SIN3B: variants seen among roughly 807,000 people sequenced by gnomAD.
SIN3B encodes the protein paired amphipathic helix protein Sin3b.
SIN3B carries 19 observed loss-of-function variants against 120.2 expected under a neutral mutation model. That is an observed-to-expected ratio of 0.16 (90% CI 0.11 to 0.23). The LOEUF (loss-of-function observed/expected upper bound fraction) is 0.23, where lower values mean the gene tolerates loss of function less well. Ranked by LOEUF, SIN3B falls within the 10% of genes least tolerant of loss-of-function variation. The probability of loss-of-function intolerance (pLI) is 1.00; values close to 1 mark genes in which losing one functional copy is unlikely to be tolerated. For synonymous variants in SIN3B, 654 were observed against 653.2 expected (o/e 1.00, Z -0.02); for missense variants, 1,073 against 1,573.0 (o/e 0.68, Z 5.38).
At chr19:16,872,251 G>A (rs2051521188) in intron 14 of SIN3B, among the ~76,000 whole-genome samples, 1 of 151,774 alleles carries the variant, frequency 6.6e-6, no homozygotes, top group African/African-American at 2.4e-5. Context: ...GCCACGAGAA[G>A]CATTTCAGAC....
rs773875029 is a variant in SIN3B, at chr19:16,851,444, C to A, written c.759C>A (p.Ser253Arg). The change falls in exon 6 of 19, where the codon AGC (serine) becomes AGA (arginine). Residue 253 changes from serine to arginine, a missense_variant. Ser to Arg is a moderately radical substitution (Grantham distance 110). Transcript: ENST00000248054. ...GAAACGGGCCGTGCGAGATGCACAG[C>A]GTGCAGAAGAACGAGCACGACAAGA... ...FTGNGPCEMH[S>R]VQKNEHDKTP... The A allele has an allele frequency of 1.2e-6, 2 of 1,608,192 alleles. No individual in the cohort carries two copies. The highest frequency in any genetic ancestry group is 1.1e-5 in the South Asian group (1 of 89,746).
chr19:16,873,380 G>A (rs998339615), intron 14 of SIN3B, among the ~76,000 whole-genome samples: 10 of 152,110 alleles, frequency 6.6e-5, no homozygotes, highest in African/African-American at 2.4e-4. Context: ...ATGGGTCCCT[G>A]CCCATCACCA....
rs777992543 is a variant in SIN3B at position 16,879,024 on chromosome 19, G to A, written c.*297G>A. On this transcript the variant is annotated 3_prime_UTR_variant, in exon 19 of 19. Transcript: ENST00000248054. Reference sequence around the variant, plus strand: ...ATGTTTGCGTCCCCGTCCGTCACATGTGCCAAATCCCTGGCAGGCAGATGG... The same window carrying A: ...ATGTTTGCGTCCCCGTCCGTCACATATGCCAAATCCCTGGCAGGCAGATGG... The A allele has an allele frequency of 2.1e-5, 10 of 477,154 alleles. No individual in the cohort carries two copies. In the Admixed American group the frequency reaches 3.4e-4, roughly 16 times the overall value. The allele number at this position is 477,154 out of a possible 1,614,324, so 29.6% of individuals were successfully genotyped here.
intron 8 of SIN3B, chr19:16,854,915 T>G (rs140568215): frequency 1.3e-5 from 2 of 152,384 alleles, no homozygotes; most frequent in Non-Finnish European, 2.9e-5. Context: ...TTTTGGTCTC[T>G]CTTTAGAAAT....
chr19:16,829,736 C>G lies in SIN3B; in HGVS notation c.121-55C>G, dbSNP rs1599583732. 8.7e-6 allele frequency: 13 copies of G among 1,497,172 alleles called. 1 individual carries two copies. Among genetic ancestry groups the G allele is most frequent in the South Asian group, 5.7e-5 (5 of 88,294 alleles). 92.7% of individuals were successfully genotyped at this position (1,497,172 alleles called of 1,614,324 possible). A position where few individuals can be genotyped will look rare whatever the true frequency, so the allele number is the denominator to read the frequency against. On this transcript the variant is annotated intron_variant, in intron 1 of 18. Transcript: ENST00000248054. ...CCCCTTCCCCTCAGGGACCCCGGCC[C>G]CTCGTCCCCTCGTTCCGCGGCCAGG...
chr19:16,846,890 G>T, intron 4 of SIN3B, 80 bp from the exon 5 acceptor site: 1 of 1,477,102 alleles, frequency 6.8e-7, no homozygotes, highest in Non-Finnish European at 9.3e-7. Context: ...CCCCTTCACG[G>T]AGGGCTGCCT....
Position 16,829,834 on chromosome 19 carries a change from T to C in SIN3B, c.164T>C (p.Phe55Ser), listed in dbSNP as rs1354343022. Residue 55 changes from phenylalanine to serine, a missense_variant, in exon 2 of 19, where the codon TTT (phenylalanine) becomes TCT (serine). Physicochemically the swap from Phe to Ser is radical, Grantham distance 155. Coordinates refer to ENST00000248054, the MANE Select transcript of SIN3B (RefSeq NM_001297595.2). ...LTYLDQVKIR[F>S]GSDPATYNGF... is the part of the protein sequence containing the mutation. ...TATCTGGACCAGGTGAAGATCCGCT[T>C]TGGCAGCGACCCTGCCACCTACAAC... 1 of 1,613,512 alleles carries C rather than the reference T, an allele frequency of 6.2e-7. No homozygotes were observed. The highest frequency in any genetic ancestry group is 8.5e-7 in the Non-Finnish European group (1 of 1,179,786).
rs560804264 is a variant in SIN3B at position 16,877,163 on chromosome 19, C to CA, written c.2860-379dup. The CA allele has an allele frequency of 2.6e-3, 656 of 255,544 alleles. 2 individuals are homozygous for CA. The highest frequency in any genetic ancestry group is 8.0e-3 in the Middle Eastern group (6 of 754). 15.8% of individuals were successfully genotyped at this position (255,544 alleles called of 1,614,324 possible). ...CCTGGGGCTACCACCACAATGACCA[C>CA]AAACCACGTGGCTTCAAACAACAGA... On this transcript the variant is annotated intron_variant, in intron 16 of 18. Coordinates refer to ENST00000248054, the MANE Select transcript of SIN3B (RefSeq NM_001297595.2).
At chr19:16,857,517 A>ACGTGTGTG (rs1462562243) in intron 8 of SIN3B, among the ~76,000 whole-genome samples, 152 of 93,478 alleles carry the variant, frequency 1.6e-3, no homozygotes, top group African/African-American at 5.4e-3. Context: ...TAAAAAAAAT[A>ACGTGTGTG]TGTGTGTGTG....
At chr19:16,848,829 G>A (rs1044433033) in intron 5 of SIN3B, among the ~76,000 whole-genome samples, 3 of 152,044 alleles carry the variant, frequency 2.0e-5, no homozygotes, top group South Asian at 2.1e-4. Flanking sequence ...GTAGAGACAG[G>A]GTCTCACAAT....
At chr19:16,836,179 C>A (rs1160234062) in intron 3 of SIN3B, among the ~76,000 whole-genome samples, 1 of 152,172 alleles carries the variant, frequency 6.6e-6, no homozygotes, top group African/African-American at 2.4e-5. Context: ...GGTATTTGAG[C>A]AGCCTCCCTG....
intron 4 of SIN3B, among the ~76,000 whole-genome samples, chr19:16,845,416 G>T (rs1481111240): frequency 3.9e-5 from 6 of 152,234 alleles, no homozygotes; most frequent in African/African-American, 1.4e-4. Context: ...GGGACTACAG[G>T]CACGCGCCCC....
Position 16,876,835 on chromosome 19 carries a change from C to A in SIN3B, c.2859+257C>A. ...GTTGTGTCCCAGGGCAGGAGGGGAA[C>A]CAAGCCACCTCTCCCTGGCCCCCGA... On this transcript the variant is annotated intron_variant, in intron 16 of 18. Transcript: ENST00000248054. The surrounding 1 kb of genome is among the most constrained non-coding windows in gnomAD (Gnocchi z 7.1). 1 of 427,690 alleles carries A rather than the reference C, an allele frequency of 2.3e-6. No individual in the cohort carries two copies. The highest frequency in any genetic ancestry group is 4.2e-6 in the Non-Finnish European group (1 of 237,910). The allele number at this position is 427,690 out of a possible 1,614,324, so 26.5% of individuals were successfully genotyped here. A position where few individuals can be genotyped will look rare whatever the true frequency, so the allele number is the denominator to read the frequency against.
chr19:16,848,145 G>C lies in SIN3B; in HGVS notation c.726+1032G>C, dbSNP rs1258020012. 2.0e-5 allele frequency among the ~76,000 whole-genome samples: 3 copies of C among 152,184 alleles called. No homozygotes were observed. In the South Asian group the frequency reaches 6.2e-4, roughly 31 times the overall value. On this transcript the variant is annotated intron_variant, in intron 5 of 18. Transcript: ENST00000248054. ...TGGATGAGCCACATTCTGTTTATCC[G>C]TATTCTGTTGATGGACATTTGGGTT... is the stretch of plus-strand genomic sequence containing the variant.
intron 13 of SIN3B, among the ~76,000 whole-genome samples, chr19:16,870,899 C>A (rs1314499146): frequency 6.6e-6 from 1 of 152,128 alleles, no homozygotes; most frequent in Non-Finnish European, 1.5e-5. Context: ...CCATGTTGGC[C>A]AACCTGGTCT....
rs558013836 is a variant in SIN3B, at chr19:16,875,867, TG to T, written c.2593-186del. On this transcript the variant is annotated intron_variant, in intron 14 of 18. Coordinates refer to ENST00000248054, the MANE Select transcript of SIN3B (RefSeq NM_001297595.2). ...CTGGTCTGGTCTGTTTGGTCTGGTC[TG>T]GTCTGGTCTGGTCTGGTCTGTTTGG... 5.2e-4 allele frequency: 342 copies of T among 657,816 alleles called. 6 individuals are homozygous for T. In the South Asian group the frequency reaches 6.6e-3, roughly 13 times the overall value. The allele number at this position is 657,816 out of a possible 1,614,324, so 40.7% of individuals were successfully genotyped here. A position where few individuals can be genotyped will look rare whatever the true frequency, so the allele number is the denominator to read the frequency against.
Position 16,862,570 on chromosome 19 carries a change from C to T in SIN3B, c.1266+11C>T. ...GCCATCTGCAAGGAGGTAGCGCTCC[C>T]TGGGGCTCAAATGTTCGTTGACATG... On this transcript the variant is annotated intron_variant, in intron 9 of 18. Coordinates refer to ENST00000248054, the MANE Select transcript of SIN3B (RefSeq NM_001297595.2). The surrounding 1 kb of genome is among the most constrained non-coding windows in gnomAD (Gnocchi z 4.7). 1.2e-6 allele frequency: 2 copies of T among 1,609,548 alleles called. No individual in the cohort carries two copies. Among genetic ancestry groups the T allele is most frequent in the Non-Finnish European group, 1.7e-6 (2 of 1,178,646 alleles).
At chr19:16,831,707 G>A in intron 3 of SIN3B, 60 bp downstream of exon 3, 3 of 1,533,496 alleles carry the variant, frequency 2.0e-6, no homozygotes, top group Non-Finnish European at 2.7e-6. Flanking sequence ...TTGCTACTCA[G>A]GTTGGGCCAC....
chr19:16,878,667 G>T lies in SIN3B; in HGVS notation c.3333G>T (p.Val1111=). Reference sequence around the variant, plus strand: ...AGACGCTGTGTGAGACAGTGCACGTGCACGGCCTGCCCGTGACCCGCTACC... The same window carrying T: ...AGACGCTGTGTGAGACAGTGCACGTTCACGGCCTGCCCGTGACCCGCTACC... ...PCKTLCETVH[V]HGLPVTRYRV... The change falls in exon 19 of 19, where the codon GTG becomes GTT. Residue 1111 remains valine (V), a synonymous_variant. Coordinates refer to ENST00000248054, the MANE Select transcript of SIN3B (RefSeq NM_001297595.2). 1 of 1,612,938 alleles carries T rather than the reference G, an allele frequency of 6.2e-7. No individual in the cohort carries two copies. The highest frequency in any genetic ancestry group is 8.5e-7 in the Non-Finnish European group (1 of 1,179,722).
Sources: gnomAD v4.1 joint callset for allele counts (sites outside exome capture counted in the v4.1 genomes callset) on GRCh38, gnomAD v4.1.1 for gene constraint, Gnocchi (gnomAD v3.1) non-coding constraint, MANE v1.5 for transcripts, NCBI Gene and HGNC (gene_info 2026-07-23, HGNC 2026-07-21) for gene names.